The following FMR1 variants were observed in gnomAD, a reference collection of about 807,000 sequenced individuals.
The protein encoded by FMR1 is FMRP translational regulator 1.
Under a neutral mutation model 50.6 loss-of-function variants are expected in FMR1, and 13 were observed. The observed-to-expected ratio is 0.26, with a 90% CI of 0.17 to 0.41. The LOEUF (loss-of-function observed/expected upper bound fraction) is 0.41, where lower values mean the gene tolerates loss of function less well. Among genes scored for constraint, FMR1 ranks in the 10% least tolerant of loss-of-function variants. FMR1 has a pLI of 1.00. For synonymous variants in FMR1, 138 were observed against 164.1 expected (o/e 0.84, Z 1.22); for missense variants, 316 against 491.3 (o/e 0.64, Z 3.37).
intron 1 of FMR1, among the ~76,000 whole-genome samples, chrX:147,919,934 C>G (rs1383571434): frequency 8.9e-6 from 1 of 112,229 alleles, no homozygotes; most frequent in Non-Finnish European, 1.9e-5. Flanking sequence ...TATTTGTTTA[C>G]AAAGACATCT....
Position 147,949,540 on chromosome X carries a change from T to C in FMR1, c.*696T>C, listed in dbSNP as rs2044272092. ...ATGCATGCTTTCCATATTTTTTTCCTTACATAAACATCAGGTTAGGCAGTA... is the reference window on the plus strand; with the variant it reads ...ATGCATGCTTTCCATATTTTTTTCCCTACATAAACATCAGGTTAGGCAGTA... On this transcript the variant is annotated 3_prime_UTR_variant, in exon 17 of 17. Transcript: ENST00000370475. 1 of 327,965 alleles carries C rather than the reference T, an allele frequency of 3.0e-6. No homozygotes were observed. The highest frequency in any genetic ancestry group is 5.9e-6 in the Non-Finnish European group (1 of 169,718). The allele number at this position is 327,965 out of a possible 1,213,427, so 27.0% of individuals were successfully genotyped here.
chrX:147,938,338 G>C (rs1557180077), intron 12 of FMR1, among the ~76,000 whole-genome samples, 177 bp downstream of exon 12: 1 of 111,780 alleles, frequency 8.9e-6, no homozygotes, highest in African/African-American at 3.3e-5. Flanking sequence ...CGCTTGTAAG[G>C]CTTTTCCTAA....
chrX:147,913,002 A>G (rs1472968234), intron 1 of FMR1: 3 of 258,367 alleles, frequency 1.2e-5, no homozygotes, highest in Non-Finnish European at 2.0e-5. Context: ...TAAAACCATT[A>G]GCAGCGCTGC....
At chrX:147,928,568 A>T (rs1292552327) in intron 4 of FMR1, 91 bp from the exon 5 acceptor site, 1 of 899,168 alleles carries the variant, frequency 1.1e-6, no homozygotes, top group African/African-American at 2.0e-5. Flanking sequence ...TTTTTCACAT[A>T]GATTATTTAT....
At position 147,943,314 on chromosome X, in the gene FMR1, G is replaced by C; in HGVS notation, c.1459G>C (p.Gly487Arg). The change falls in exon 14 of 17, where the codon GGA becomes CGA. Residue 487 changes from glycine to arginine, a missense_variant. Physicochemically the swap from Gly to Arg is moderately radical, Grantham distance 125. This residue lies in a region of FMR1 where 124 missense variants were observed against 160.8 expected (regional missense o/e 0.77). Transcript: ENST00000370475. Reference sequence around the variant, plus strand: ...TAGGGGGCACGGCAGACGCGGTCCTGGATATACTTCAGGTACAAACTAAGC... The same window carrying C: ...TAGGGGGCACGGCAGACGCGGTCCTCGATATACTTCAGGTACAAACTAAGC... The part of the protein sequence containing the change: ...RNRGHGRRGP[G>R]YTSGTNSEAS... 1 of 1,206,846 alleles carries C rather than the reference G, an allele frequency of 8.3e-7. No homozygotes were observed. The highest frequency in any genetic ancestry group is 1.1e-6 in the Non-Finnish European group (1 of 891,328).
intron 1 of FMR1, chrX:147,912,867 T>G: frequency 6.8e-6 from 2 of 294,278 alleles, no homozygotes; most frequent in Non-Finnish European, 1.2e-5. Flanking sequence ...AGATTTTAGA[T>G]CCAAAAGTTT....
chrX:147,925,490 AG>A (rs781999118), intron 2 of FMR1, 49 bp from the exon 3 acceptor site: 3 of 923,896 alleles, frequency 3.2e-6, no homozygotes, highest in Non-Finnish European at 4.7e-6. Flanking sequence ...TCATTATTTC[AG>A]TTAAACATGA....
Position 147,912,178 on chromosome X carries a change from A to C in FMR1, c.-2A>C. 1 of 1,144,296 alleles carries C rather than the reference A, an allele frequency of 8.7e-7. No individual in the cohort carries two copies. 94.3% of individuals were successfully genotyped at this position (1,144,296 alleles called of 1,213,427 possible). A position where few individuals can be genotyped will look rare whatever the true frequency, so the allele number is the denominator to read the frequency against. ...CCCGGCGCTAGCAGGGCTGAAGAGA[A>C]GATGGAGGAGCTGGTGGTGGAAGTG... On this transcript the variant is annotated 5_prime_UTR_variant, in exon 1 of 17. Transcript: ENST00000370475.
Position 147,949,604 on chromosome X carries a change from C to A in FMR1, c.*760C>A, listed in dbSNP as rs184987604. The A allele has an allele frequency of 9.5e-5, 31 of 327,149 alleles. No homozygotes were observed. The East Asian group carries it at 2.7e-3, about 29-fold the overall frequency. 27.0% of individuals were successfully genotyped at this position (327,149 alleles called of 1,213,427 possible). On this transcript the variant is annotated 3_prime_UTR_variant, in exon 17 of 17. Coordinates refer to ENST00000370475, the MANE Select transcript of FMR1 (RefSeq NM_002024.6). The stretch of plus-strand genomic sequence containing the variant: ...TTGTTTTTGTTTTTGTTTTGTTGCA[C>A]TGAAGTTTGATAAATAGTGTTATTG...
At chrX:147,912,679 A>C (rs370661130) in intron 1 of FMR1, 9 of 299,776 alleles carry the variant, frequency 3.0e-5, no homozygotes, top group African/African-American at 2.4e-4. Context: ...CGCCTCCTGC[A>C]GCGCCAAGAG....
intron 15 of FMR1, 104 bp from the exon 16 acceptor site, chrX:147,945,430 T>G: frequency 1.1e-5 from 7 of 629,213 alleles, no homozygotes; most frequent in Non-Finnish European, 1.8e-5. Flanking sequence ...TTGATTACAT[T>G]TCAGATTCTG....
At chrX:147,914,181 G>A (rs1459332396) in intron 1 of FMR1, 3 of 112,311 alleles carry the variant, frequency 2.7e-5, no homozygotes, top group Non-Finnish European at 5.6e-5. Flanking sequence ...TAGGTTGGTT[G>A]CCCCTTAGTT....
rs782022364 is a variant in FMR1, at chrX:147,921,997, G to A, written c.104+12G>A. ...GCATTTGAAAACAAGTAAGTGTCTC[G>A]TTATATAATTTTAATGATGAGGTTC... On this transcript the variant is annotated intron_variant, in intron 2 of 16. Transcript: ENST00000370475. The A allele has an allele frequency of 7.5e-5, 75 of 1,006,590 alleles. No individual in the cohort carries two copies. In the South Asian group the frequency reaches 1.2e-3, roughly 16 times the overall value. The allele number at this position is 1,006,590 out of a possible 1,213,427, so 83.0% of individuals were successfully genotyped here.
At chrX:147,928,989 T>G (rs920510447) in intron 5 of FMR1, among the ~76,000 whole-genome samples, 182 bp downstream of exon 5, 1 of 112,197 alleles carries the variant, frequency 8.9e-6, no homozygotes, top group Admixed American at 9.4e-5. Flanking sequence ...TTTTCCTACT[T>G]ATAGAATCAA....
Position 147,932,744 on chromosome X carries a change from A to G in FMR1, c.861A>G (p.Gln287=). 1 of 1,197,098 alleles carries G rather than the reference A, an allele frequency of 8.4e-7. No homozygotes were observed. The part of the protein sequence containing the change: ...SFLEFAEDVI[Q]VPRNLVGKVI... ...TCGAATTTGCTGAAGATGTAATACA[A>G]GTTCCAAGGAACTTAGTAGGTAAGT... Residue 287 remains glutamine (Q), a synonymous_variant, in exon 9 of 17, where the codon CAA becomes CAG. Transcript: ENST00000370475.
chrX:147,941,123 TATTTGTGTCTTCTCATAA>T (rs1490207436), intron 13 of FMR1, among the ~76,000 whole-genome samples: 4 of 112,307 alleles, frequency 3.6e-5, no homozygotes, highest in Admixed American at 9.4e-5. Flanking sequence ...AAATACAAAC[TATTTGTGTCTTCTCATAA>T]ATGTTCAGTT....
At chrX:147,944,310 G>A (rs2044102159) in intron 14 of FMR1, 2 of 753,266 alleles carry the variant, frequency 2.7e-6, no homozygotes, top group Non-Finnish European at 3.1e-6. Context: ...AGGGCAGGTT[G>A]TGGACCAAAC....
At chrX:147,935,457 CTT>C (rs1416276391) in intron 9 of FMR1, among the ~76,000 whole-genome samples, 1 of 112,202 alleles carries the variant, frequency 8.9e-6, no homozygotes, top group Non-Finnish European at 1.9e-5. Context: ...TGAGCTTTGC[CTT>C]TAAAGGCGAA....
chrX:147,920,070 C>G (rs1402149128), intron 1 of FMR1, among the ~76,000 whole-genome samples: 3 of 112,112 alleles, frequency 2.7e-5, no homozygotes, highest in African/African-American at 6.5e-5. Context: ...GTCTCACTAT[C>G]CAATATGGAT....
Sources: gnomAD v4.1 joint callset for allele counts (sites outside exome capture counted in the v4.1 genomes callset) on GRCh38, gnomAD v4.1.1 for gene constraint, gnomAD v4.1.1 regional missense constraint, MANE v1.5 for transcripts, NCBI Gene and HGNC (gene_info 2026-07-23, HGNC 2026-07-21) for gene names.